The following CD300LG variants were observed in gnomAD, a reference collection of about 807,000 sequenced individuals.
The protein encoded by CD300LG is CMRF35-like molecule 9.
CD300LG carries 29 observed loss-of-function variants against 31.5 expected under a neutral mutation model. The ratio of observed to expected loss-of-function variants is 0.92; its 90% CI spans 0.68 to 1.25. The LOEUF (loss-of-function observed/expected upper bound fraction) is 1.25, where lower values mean the gene tolerates loss of function less well. Ranked by LOEUF, CD300LG falls within the 50% of genes most tolerant of loss-of-function variation. The probability of loss-of-function intolerance (pLI) is 0.00; values close to 1 mark genes in which losing one functional copy is unlikely to be tolerated. For synonymous variants in CD300LG, 175 were observed against 177.2 expected (o/e 0.99, Z 0.10); for missense variants, 396 against 417.6 (o/e 0.95, Z 0.45).
intron 4 of CD300LG, among the ~76,000 whole-genome samples, chr17:43,854,511 T>G (rs1466300858): frequency 6.6e-6 from 1 of 152,164 alleles, no homozygotes; most frequent in African/African-American, 2.4e-5. Flanking sequence ...CTGCTGAAAG[T>G]GAATCCTGGG....
Position 43,857,823 on chromosome 17 carries a change from C to T in CD300LG, c.885+667C>T, listed in dbSNP as rs767649570. On this transcript the variant is annotated intron_variant, in intron 6 of 6. Coordinates refer to ENST00000317310, the MANE Select transcript of CD300LG (RefSeq NM_145273.4). ...GATGTTTTCTCTGAGCCTGCCTTGG[C>T]TCTGAGACCAAGGTGGTGTGGCTGC... is the stretch of plus-strand genomic sequence containing the variant. 8.9e-5 allele frequency: 137 copies of T among 1,537,288 alleles called. 1 individual carries two copies. The South Asian group carries it at 1.5e-3, about 17-fold the overall frequency.
intron 2 of CD300LG, 143 bp from the exon 3 acceptor site, chr17:43,852,768 CA>C (rs2046395917): frequency 1.8e-6 from 1 of 554,220 alleles, no homozygotes; most frequent in Non-Finnish European, 3.1e-6. Context: ...TGGAACCCGC[CA>C]CGTGGCTCCT....
intron 2 of CD300LG, chr17:43,849,827 C>T (rs1341162273): frequency 6.6e-6 from 1 of 152,194 alleles, no homozygotes; most frequent in Non-Finnish European, 1.5e-5. Flanking sequence ...CCCATCCCTA[C>T]CACCATAGCC....
chr17:43,855,444 A>C lies in CD300LG; in HGVS notation c.832+125A>C. 8 of 536,948 alleles carry C rather than the reference A, an allele frequency of 1.5e-5. No individual in the cohort carries two copies. In the South Asian group the frequency reaches 2.3e-4, roughly 16 times the overall value. The allele number at this position is 536,948 out of a possible 1,614,324, so 33.3% of individuals were successfully genotyped here. On this transcript the variant is annotated intron_variant, in intron 5 of 6. Transcript: ENST00000317310. ...TCTCAGCGTGTCTGTCTGAGATATG[A>C]GCATCAGGAGCTGTGGCCTCCCTTC...
Position 43,853,986 on chromosome 17 carries a change from G to A in CD300LG, c.661G>A (p.Asp221Asn), listed in dbSNP as rs17852267. The A allele has an allele frequency of 6.2e-7, 1 of 1,614,180 alleles. No homozygotes were observed. ...AGSSRPPMQL[D>N]STSAEDTSPA... ...GAGCTCCCGCCCCCCCATGCAGCTG[G>A]ACTCCACCTCAGCAGAGGACACCAG... The change falls in exon 4 of 7, where the codon GAC becomes AAC. Residue 221 changes from aspartate (D) to asparagine (N), a missense_variant. Asp to Asn is a conservative substitution (Grantham distance 23). Transcript: ENST00000317310.
At position 43,848,281 on chromosome 17, in the gene CD300LG, T is replaced by G. The variant is rs115499912; in HGVS notation, c.44-277T>G. On this transcript the variant is annotated intron_variant, in intron 1 of 6. Coordinates refer to ENST00000317310, the MANE Select transcript of CD300LG (RefSeq NM_145273.4). The stretch of plus-strand genomic sequence containing the variant: ...AAACAAACAAAACAAAACAAAACAC[T>G]CAGAAACCCTGCTGGCTATCTGGCT... 3.7e-3 allele frequency among the ~76,000 whole-genome samples: 556 copies of G among 151,842 alleles called. 3 individuals are homozygous for G. Among genetic ancestry groups the G allele is most frequent in the African/African-American group, 0.013 (517 of 41,300 alleles).
chr17:43,847,419 C>T (rs991358366), intron 1 of CD300LG, among the ~76,000 whole-genome samples, 160 bp downstream of exon 1: 2 of 152,134 alleles, frequency 1.3e-5, no homozygotes, highest in Non-Finnish European at 2.9e-5. Context: ...GTGGGGGTGG[C>T]GCCGGGGCCG....
At position 43,853,855 on chromosome 17, in the gene CD300LG, CA is replaced by C; in HGVS notation, c.531del (p.Ala179LeufsTer78). 2 of 1,614,118 alleles carry C rather than the reference CA, an allele frequency of 1.2e-6. No homozygotes were observed. The highest frequency in any genetic ancestry group is 8.5e-7 in the Non-Finnish European group (1 of 1,180,000). On this transcript the variant is annotated frameshift_variant, in exon 4 of 7. Coordinates refer to ENST00000317310, the MANE Select transcript of CD300LG (RefSeq NM_145273.4). LOFTEE classifies it high-confidence loss of function. Reference sequence around the variant, plus strand: ...GCCACCACAGCCAAGCAGGGGAAGACAGGGGCTGAGGCCCCTCCATTGCCAG... The same window carrying C: ...GCCACCACAGCCAAGCAGGGGAAGACGGGGCTGAGGCCCCTCCATTGCCAG... ...PAATTAKQGK[T>X]GAEAPPLPGT...
At chr17:43,851,463 G>C (rs2046352069) in intron 2 of CD300LG, among the ~76,000 whole-genome samples, 2 of 151,980 alleles carry the variant, frequency 1.3e-5, no homozygotes, top group Non-Finnish European at 2.9e-5. Flanking sequence ...TTTGGATAGG[G>C]GATACTCAAT....
At chr17:43,857,866 G>A (rs1302755219) in intron 6 of CD300LG, 1 of 1,537,216 alleles carries the variant, frequency 6.5e-7, no homozygotes, top group East Asian at 2.4e-5. Flanking sequence ...CCCAGGCTGA[G>A]GGTGGTGCTC....
intron 3 of CD300LG, 117 bp downstream of exon 3, chr17:43,853,130 C>CAGCTCCCAGGCTTG: frequency 2.5e-6 from 2 of 802,198 alleles, no homozygotes; most frequent in Non-Finnish European, 4.0e-6. Context: ...CCCCACAAGC[C>CAGCTCCCAGGCTTG]TGGGAGCTGG....
intron 6 of CD300LG, among the ~76,000 whole-genome samples, chr17:43,860,014 G>T (rs548432796): frequency 1.3e-5 from 2 of 152,302 alleles, no homozygotes; most frequent in South Asian, 4.1e-4. Flanking sequence ...GGGATTACAG[G>T]CAAGAGCCAC....
chr17:43,853,733 C>A, intron 3 of CD300LG, 74 bp from the exon 4 acceptor site: 2 of 1,261,240 alleles, frequency 1.6e-6, no homozygotes, highest in Admixed American at 3.7e-5. Context: ...GTTCAGGGGT[C>A]CAGGGTCAGA....
At position 43,857,124 on chromosome 17, in the gene CD300LG, C is replaced by G. The variant is rs773015372; in HGVS notation, c.853C>G (p.Gln285Glu). Residue 285 changes from glutamine (Q) to glutamate (E), a missense_variant, in exon 6 of 7, where the codon CAG becomes GAG. Transcript: ENST00000317310. The stretch of plus-strand genomic sequence containing the variant: ...TTCAGCTCAACAGGCCACGGAGACA[C>G]AGAGGAACGAGAAGTTCTGCCTCTC... ...RKEAQQATET[Q>E]RNEKFCLSRL... is the part of the protein sequence containing the mutation. 9 of 1,614,184 alleles carry G rather than the reference C, an allele frequency of 5.6e-6. No individual in the cohort carries two copies. The highest frequency in any genetic ancestry group is 7.6e-6 in the Non-Finnish European group (9 of 1,180,026).
Position 43,858,687 on chromosome 17 carries a change from T to C in CD300LG, c.885+1531T>C, listed in dbSNP as rs1471581962. The C allele has an allele frequency of 3.0e-6, 3 of 985,306 alleles. No individual in the cohort carries two copies. The African/African-American group carries it at 5.2e-5, about 17-fold the overall frequency. 61.0% of individuals were successfully genotyped at this position (985,306 alleles called of 1,614,324 possible). On this transcript the variant is annotated intron_variant, in intron 6 of 6. Coordinates refer to ENST00000317310, the MANE Select transcript of CD300LG (RefSeq NM_145273.4). ...TTCTGCTTTTTCTTGATTATTTCCC[T>C]TGTGGCTTCTCCATAGGATTTAGCA...
rs1044981113 is a variant in CD300LG, at chr17:43,862,554, G to T, written c.*643G>T. On this transcript the variant is annotated 3_prime_UTR_variant, in exon 7 of 7. Transcript: ENST00000317310. Reference sequence around the variant, plus strand: ...GTGACTGTCGCACTTGAGTTTGAGGGCCAGTGGGCCTGATGAACGCTCAGA... The same window carrying T: ...GTGACTGTCGCACTTGAGTTTGAGGTCCAGTGGGCCTGATGAACGCTCAGA... 1 of 152,242 alleles carries T rather than the reference G, an allele frequency of 6.6e-6. No homozygotes were observed. Among genetic ancestry groups the T allele is most frequent in the East Asian group, 1.9e-4 (1 of 5,194 alleles). 9.4% of individuals were successfully genotyped at this position (152,242 alleles called of 1,614,324 possible). A position where few individuals can be genotyped will look rare whatever the true frequency, so the allele number is the denominator to read the frequency against.
chr17:43,847,429 G>A (rs559440638), intron 1 of CD300LG, among the ~76,000 whole-genome samples, 170 bp downstream of exon 1: 2 of 152,296 alleles, frequency 1.3e-5, no homozygotes, highest in South Asian at 2.1e-4. Flanking sequence ...CGCCGGGGCC[G>A]CACTTGCTGT....
At position 43,862,580 on chromosome 17, in the gene CD300LG, C is replaced by T. The variant is rs2046672467; in HGVS notation, c.*669C>T. ...CCAGTGGGCCTGATGAACGCTCAGA[C>T]CCCTCCAGCTTAGAGTCTGCATTTG... is the stretch of plus-strand genomic sequence containing the variant. On this transcript the variant is annotated 3_prime_UTR_variant, in exon 7 of 7. Transcript: ENST00000317310. 6.6e-6 allele frequency: 1 copy of T among 152,270 alleles called. No individual in the cohort carries two copies. Among genetic ancestry groups the T allele is most frequent in the Admixed American group, 6.5e-5 (1 of 15,288 alleles). The allele number at this position is 152,270 out of a possible 1,614,324, so 9.4% of individuals were successfully genotyped here.
At chr17:43,853,125 C>T in intron 3 of CD300LG, 112 bp downstream of exon 3, 3 of 860,576 alleles carry the variant, frequency 3.5e-6, no homozygotes, top group Non-Finnish European at 5.4e-6. Context: ...GGTGTCCCCA[C>T]AAGCCTGGGA....
Sources: allele counts gnomAD v4.1 joint callset (sites outside exome capture counted in the v4.1 genomes callset), GRCh38; gene constraint gnomAD v4.1.1; transcripts MANE v1.5; gene names NCBI Gene and HGNC (gene_info 2026-07-23, HGNC 2026-07-21).